DIP2C: variants seen among roughly 807,000 people sequenced by gnomAD.
DIP2C encodes the protein DIP2 acetate--CoA ligase C (putative).
A neutral mutation model predicts 192.4 loss-of-function variants in DIP2C; 33 were observed. The observed-to-expected ratio is 0.17, with a 90% CI of 0.13 to 0.23. DIP2C has a LOEUF of 0.23. Ranked by LOEUF, DIP2C falls within the 10% of genes least tolerant of loss-of-function variation. DIP2C has a pLI of 1.00. For missense variants in DIP2C, 1,537 were observed against 2,110.1 expected (o/e 0.73, Z 5.32); for synonymous variants, 979 against 864.1 (o/e 1.13, Z -2.33).
At chr10:325,268 A>C (rs1206218540) in intron 31 of DIP2C, among the ~76,000 whole-genome samples, 2 of 151,686 alleles carry the variant, frequency 1.3e-5, no homozygotes, top group African/African-American at 4.8e-5. Flanking sequence ...CCATCTCAAA[A>C]ACAAACAAAC....
At position 533,213 on chromosome 10, in the gene DIP2C, TGAG is replaced by T. The variant is rs989492189; in HGVS notation, c.86-46686_86-46684del. ...GTCAAATGCAGCAGCATCTCCGGTA[TGAG>T]GAGAGAAAGAAAGAAGGGTGGAAAA... On this transcript the variant is annotated intron_variant, in intron 1 of 36. Transcript: ENST00000280886. Among the ~76,000 whole-genome samples the T allele has an allele frequency of 5.5e-4, 83 of 152,184 alleles. 1 individual carries two copies. Among genetic ancestry groups the T allele is most frequent in the African/African-American group, 1.8e-3 (76 of 41,514 alleles).
chr10:437,626 G>A (rs1221349442), intron 4 of DIP2C: 1 of 152,262 alleles, frequency 6.6e-6, no homozygotes, highest in African/African-American at 2.4e-5. Context: ...GTTTTGTGCA[G>A]TTTTACAGTT....
intron 4 of DIP2C, among the ~76,000 whole-genome samples, chr10:434,026 C>A (rs1966976114): frequency 6.6e-6 from 1 of 152,032 alleles, no homozygotes; most frequent in South Asian, 2.1e-4. Flanking sequence ...GTAACCCAAG[C>A]CCACTTTCAA....
intron 29 of DIP2C, among the ~76,000 whole-genome samples, chr10:340,104 C>T (rs1362447668): frequency 6.6e-6 from 1 of 151,740 alleles, no homozygotes; most frequent in Non-Finnish European, 1.5e-5. Context: ...TCGCTGGAAC[C>T]CAGGAGGCAG....
At chr10:422,000 CTATT>C (rs2133160776) in intron 5 of DIP2C, among the ~76,000 whole-genome samples, 1 of 152,136 alleles carries the variant, frequency 6.6e-6, no homozygotes, top group South Asian at 2.1e-4. Flanking sequence ...TGTCTGTGGG[CTATT>C]TAATCACAAT....
At chr10:492,619 C>T (rs954583248) in intron 1 of DIP2C, among the ~76,000 whole-genome samples, 2 of 152,202 alleles carry the variant, frequency 1.3e-5, no homozygotes, top group Non-Finnish European at 2.9e-5. Flanking sequence ...AACACACACA[C>T]GCACACAAAT....
chr10:575,064 T>C (rs1850068074), intron 1 of DIP2C, among the ~76,000 whole-genome samples: 1 of 152,150 alleles, frequency 6.6e-6, no homozygotes, highest in African/African-American at 2.4e-5. Context: ...TCTGCTGGTC[T>C]TGGCTTCAAG....
chr10:305,830 G>C (rs1462886490), intron 32 of DIP2C, among the ~76,000 whole-genome samples: 1 of 152,080 alleles, frequency 6.6e-6, no homozygotes, highest in Non-Finnish European at 1.5e-5. Context: ...AAATGTTGTA[G>C]AGATGGAGTC....
intron 2 of DIP2C, among the ~76,000 whole-genome samples, chr10:473,951 T>G (rs2133453072): frequency 6.6e-6 from 1 of 152,264 alleles, no homozygotes; most frequent in Non-Finnish European, 1.5e-5. Flanking sequence ...CAGAACTAAG[T>G]TAAGCATGGC....
chr10:667,163 G>C (rs187096753), intron 1 of DIP2C: 1 of 152,390 alleles, frequency 6.6e-6, no homozygotes, highest in East Asian at 1.9e-4. Context: ...AGACCAGCCT[G>C]GCCAGCATGG....
rs188761209 is a variant in DIP2C, at chr10:444,739, G to A, written c.269-3743C>T. Among the ~76,000 whole-genome samples the A allele has an allele frequency of 1.4e-3, 215 of 152,334 alleles. 1 individual carries two copies. The highest frequency in any genetic ancestry group is 3.7e-3 in the Admixed American group (57 of 15,296). Reference sequence around the variant, plus strand: ...TTCAAGGCTCCTGGAACTCATCGCCGTTGCCTATTTTGGTTTCAGTATTTT... The same window carrying A: ...TTCAAGGCTCCTGGAACTCATCGCCATTGCCTATTTTGGTTTCAGTATTTT... On this transcript the variant is annotated intron_variant, in intron 3 of 36. Coordinates refer to ENST00000280886, the MANE Select transcript of DIP2C (RefSeq NM_014974.3).
Position 364,819 on chromosome 10 carries a change from T to C in DIP2C, c.2269-237A>G, listed in dbSNP as rs991418505. Reference sequence around the variant, plus strand: ...CGTTCCTGCACCTCCACTCACCTGCTGGAGCCTCCTGCCTCTGAACCCTGA... The same window carrying C: ...CGTTCCTGCACCTCCACTCACCTGCCGGAGCCTCCTGCCTCTGAACCCTGA... On this transcript the variant is annotated intron_variant, in intron 19 of 36. Transcript: ENST00000280886. 3 of 623,862 alleles carry C rather than the reference T, an allele frequency of 4.8e-6. No individual in the cohort carries two copies. The Admixed American group carries it at 8.0e-5, about 17-fold the overall frequency. The allele number at this position is 623,862 out of a possible 1,614,324, so 38.6% of individuals were successfully genotyped here.
chr10:449,773 AAGTAT>A, intron 3 of DIP2C, among the ~76,000 whole-genome samples: 1 of 143,004 alleles, frequency 7.0e-6, no homozygotes, highest in Admixed American at 6.8e-5. Context: ...CTAAAACTTA[AAGTAT>A]AATTAAAAAA....
intron 1 of DIP2C, chr10:630,170 G>A (rs1170934852): frequency 6.6e-6 from 1 of 152,206 alleles, no homozygotes; most frequent in African/African-American, 2.4e-5. Context: ...GAGACTCACG[G>A]AACGACGCCA....
Position 423,047 on chromosome 10 carries a change from A to G in DIP2C, c.395-14T>C. 6.3e-7 allele frequency: 1 copy of G among 1,587,474 alleles called. No homozygotes were observed. The highest frequency in any genetic ancestry group is 8.6e-7 in the Non-Finnish European group (1 of 1,163,908). On this transcript the variant is annotated splice_polypyrimidine_tract_variant and intron_variant, in intron 4 of 36. Transcript: ENST00000280886. ...CAGAAGAGGTATCTGTGTAAGAAGA[A>G]AGGTGATTTGCTGTATGTTGCAGCA...
At chr10:548,452 G>GAGGGAGGA (rs1217304828) in intron 1 of DIP2C, among the ~76,000 whole-genome samples, 2 of 147,372 alleles carry the variant, frequency 1.4e-5, no homozygotes, top group African/African-American at 5.0e-5. Context: ...TGGAGGGAGG[G>GAGGGAGGA]AGGGAGGGAG....
At chr10:463,843 A>G (rs773264807) in intron 3 of DIP2C, among the ~76,000 whole-genome samples, 1 of 152,138 alleles carries the variant, frequency 6.6e-6, no homozygotes, top group Non-Finnish European at 1.5e-5. Flanking sequence ...AACACCACAC[A>G]TCTACAACCA....
chr10:600,245 G>T (rs1310694572), intron 1 of DIP2C, among the ~76,000 whole-genome samples: 1 of 152,180 alleles, frequency 6.6e-6, no homozygotes, highest in Admixed American at 6.5e-5. Context: ...CAGTGACCAG[G>T]TTCCTCTGGA....
At chr10:293,973 G>A (rs1374715570) in intron 32 of DIP2C, among the ~76,000 whole-genome samples, 1 of 152,190 alleles carries the variant, frequency 6.6e-6, no homozygotes, top group Admixed American at 6.5e-5. Flanking sequence ...AGAGAAAACA[G>A]AGGAATGTTT....
Sources: gnomAD v4.1 joint callset for allele counts (sites outside exome capture counted in the v4.1 genomes callset) on GRCh38, gnomAD v4.1.1 for gene constraint, MANE v1.5 for transcripts, NCBI Gene and HGNC (gene_info 2026-07-23, HGNC 2026-07-21) for gene names.